The following EEF1A2 variants were observed in gnomAD, a reference collection of about 807,000 sequenced individuals.
The protein encoded by EEF1A2 is eukaryotic translation elongation factor 1 alpha 2.
A neutral mutation model predicts 39.3 loss-of-function variants in EEF1A2; 5 were observed. The observed-to-expected ratio is 0.13, with a 90% CI of 0.07 to 0.27. The LOEUF is 0.27. Among genes scored for constraint, EEF1A2 ranks in the 10% least tolerant of loss-of-function variants. The pLI, the probability that EEF1A2 is intolerant of heterozygous loss-of-function variation, is 1.00. For synonymous variants in EEF1A2, 287 were observed against 293.7 expected (o/e 0.98, Z 0.23); for missense variants, 218 against 681.4 (o/e 0.32, Z 7.57).
rs748993770 is a variant in EEF1A2, at chr20:63,488,900, C to T, written c.1264+18G>A. The T allele has an allele frequency of 3.1e-5, 50 of 1,606,860 alleles. 3 individuals are homozygous for T. In the South Asian group the frequency reaches 4.8e-4, roughly 16 times the overall value. On this transcript the variant is annotated intron_variant, in intron 7 of 7. Transcript: ENST00000217182. ...CCACAGCCTGGGGGCTGCACCTCCC[C>T]GGACCACCCCGGCTCACCGAGAGGC...
At chr20:63,495,766 C>T in intron 3 of EEF1A2, 90 bp downstream of exon 3, 1 of 1,506,436 alleles carries the variant, frequency 6.6e-7, no homozygotes, top group Non-Finnish European at 8.9e-7. Flanking sequence ...CACAGGAGAC[C>T]CTACCATCCC....
rs1555338 is a variant in EEF1A2 at position 63,496,265 on chromosome 20, C to T, written c.145-230G>A. The T allele has an allele frequency of 0.28, 159,415 of 570,414 alleles. 26,834 individuals are homozygous for T. The highest frequency in any genetic ancestry group is 0.36 in the Non-Finnish European group (115,229 of 321,728). The allele number at this position is 570,414 out of a possible 1,614,324, so 35.3% of individuals were successfully genotyped here. Reference sequence around the variant, plus strand: ...ACCTGCTCCGAAATGGGCGCGGCTACGCAGGTCCACCAGCAGGTGGCGCAA... The same window carrying T: ...ACCTGCTCCGAAATGGGCGCGGCTATGCAGGTCCACCAGCAGGTGGCGCAA... On this transcript the variant is annotated intron_variant, in intron 2 of 7. Transcript: ENST00000217182.
chr20:63,491,974 A>G (rs1600904800), intron 5 of EEF1A2, among the ~76,000 whole-genome samples: 1 of 117,922 alleles, frequency 8.5e-6, no homozygotes, highest in African/African-American at 3.9e-5. Flanking sequence ...GGATGGATGG[A>G]TGGATGGATG....
chr20:63,492,534 A>AGGG (rs2082392441), intron 5 of EEF1A2, among the ~76,000 whole-genome samples: 1 of 16,494 alleles, frequency 6.1e-5, no homozygotes, highest in African/African-American at 2.1e-4. Context: ...GGATGGATGG[A>AGGG]AGGATGGATG....
chr20:63,488,296 C>G lies in EEF1A2; in HGVS notation c.*2G>C, dbSNP rs2145938080. ...GAGGGTCGCGCCGCGGGCGCCCGCG[C>G]TTCACTTGCCCGCCTTCTGCGCCTT... On this transcript the variant is annotated 3_prime_UTR_variant, in exon 8 of 8. Transcript: ENST00000217182. 1 of 1,332,464 alleles carries G rather than the reference C, an allele frequency of 7.5e-7. No homozygotes were observed. Among genetic ancestry groups the G allele is most frequent in the African/African-American group, 1.5e-5 (1 of 64,734 alleles). The allele number at this position is 1,332,464 out of a possible 1,614,324, so 82.5% of individuals were successfully genotyped here.
intron 6 of EEF1A2, 91 bp downstream of exon 6, chr20:63,490,388 G>A (rs1004750167): frequency 2.8e-5 from 42 of 1,496,422 alleles, no homozygotes; most frequent in Middle Eastern, 1.7e-4. Flanking sequence ...TTCTCCCCAC[G>A]CCAGGCCACC....
chr20:63,489,119 C>A lies in EEF1A2; in HGVS notation c.1063G>T (p.Ala355Ser). 6.2e-7 allele frequency: 1 copy of A among 1,612,724 alleles called. No homozygotes were observed. ...CAGTCGATGACCGGGGAGTAGCCGG[C>A]GCTAATCTGCCCCGGGTGGTTCAGG... ...IILNHPGQIS[A>S]GYSPVIDCHT... Residue 355 changes from alanine to serine, a missense_variant, in exon 7 of 8, where the codon GCC (alanine) becomes TCC (serine). Around this residue, in one of 4 missense-constraint regions of EEF1A2, gnomAD observed 80 missense variants for 295.9 expected, o/e 0.27. Coordinates refer to ENST00000217182, the MANE Select transcript of EEF1A2 (RefSeq NM_001958.5).
intron 2 of EEF1A2, chr20:63,496,309 C>G: frequency 6.0e-6 from 3 of 496,388 alleles, no homozygotes; most frequent in Non-Finnish European, 1.1e-5. Flanking sequence ...GAGTCGCTCG[C>G]TCTACGAGCG....
chr20:63,492,148 A>G (rs1043923155), intron 5 of EEF1A2, among the ~76,000 whole-genome samples: 1 of 100 alleles, frequency 0.01, no homozygotes, highest in African/African-American at 0.045. Flanking sequence ...ATGGATGGGG[A>G]GGTGGATGGA....
intron 4 of EEF1A2, 136 bp downstream of exon 4, chr20:63,494,669 C>G: frequency 4.7e-6 from 6 of 1,268,914 alleles, no homozygotes; most frequent in African/African-American, 4.5e-5. Context: ...GTTAGGGAAA[C>G]CCAGCAGGTT....
intron 6 of EEF1A2, 149 bp from the exon 7 acceptor site, chr20:63,489,301 A>G (rs1044094924): frequency 5.7e-6 from 4 of 701,898 alleles, no homozygotes; most frequent in Non-Finnish European, 9.3e-6. Context: ...GGCTCTGAGG[A>G]CCCAGCCCCC....
At position 63,488,784 on chromosome 20, in the gene EEF1A2, C is replaced by A. The variant is rs559968063; in HGVS notation, c.1264+134G>T. 1,021 of 1,010,668 alleles carry A rather than the reference C, an allele frequency of 1.0e-3. 6 individuals are homozygous for A. Among genetic ancestry groups the A allele is most frequent in the South Asian group, 1.9e-3 (116 of 62,214 alleles). 62.6% of individuals were successfully genotyped at this position (1,010,668 alleles called of 1,614,324 possible). A position where few individuals can be genotyped will look rare whatever the true frequency, so the allele number is the denominator to read the frequency against. On this transcript the variant is annotated intron_variant, in intron 7 of 7. Coordinates refer to ENST00000217182, the MANE Select transcript of EEF1A2 (RefSeq NM_001958.5). ...TGACACGGAGGCCGTGGCTCTCCTGCCATGCTCTGGGCCAAGCTCCGCAGG... is the reference window on the plus strand; with the variant it reads ...TGACACGGAGGCCGTGGCTCTCCTGACATGCTCTGGGCCAAGCTCCGCAGG...
At chr20:63,491,876 A>ATG (rs1568995586) in intron 5 of EEF1A2, among the ~76,000 whole-genome samples, 32 of 62,340 alleles carry the variant, frequency 5.1e-4, no homozygotes, top group African/African-American at 9.7e-4. Flanking sequence ...GTGGATGGAT[A>ATG]GATGGATGGA....
intron 5 of EEF1A2, among the ~76,000 whole-genome samples, chr20:63,491,151 G>A (rs1481211886): frequency 1.3e-5 from 2 of 151,348 alleles, no homozygotes; most frequent in African/African-American, 4.9e-5. Flanking sequence ...TGTGGGCGGG[G>A]CGACTGACTG....
At chr20:63,490,772 C>T in intron 5 of EEF1A2, 37 bp from the exon 6 acceptor site, 1 of 1,573,888 alleles carries the variant, frequency 6.4e-7, no homozygotes, top group African/African-American at 1.3e-5. Context: ...AAGGTGGGGC[C>T]CGAGGGGATG....
chr20:63,493,333 C>T, intron 4 of EEF1A2, 46 bp from the exon 5 acceptor site: 1 of 1,463,294 alleles, frequency 6.8e-7, no homozygotes, highest in Non-Finnish European at 9.1e-7. Flanking sequence ...CATTGGTGGC[C>T]TCCCCACCCT....
Position 63,494,870 on chromosome 20 carries a change from C to A in EEF1A2, c.556G>T (p.Ala186Ser), listed in dbSNP as rs760330590. 5 of 1,612,574 alleles carry A rather than the reference C, an allele frequency of 3.1e-6. No individual in the cohort carries two copies. The highest frequency in any genetic ancestry group is 3.4e-6 in the Non-Finnish European group (4 of 1,179,946). The part of the protein sequence containing the change: ...AYIKKIGYNP[A>S]TVPFVPISGW... ...GAGATGGGCACAAAGGGCACGGTGGCCGGGTTGTAGCCGATCTTCTTGATG... is the reference window on the plus strand; with the variant it reads ...GAGATGGGCACAAAGGGCACGGTGGACGGGTTGTAGCCGATCTTCTTGATG... The change falls in exon 4 of 8, where the codon GCC becomes TCC. Residue 186 changes from alanine (A) to serine (S), a missense_variant. Ala to Ser is a moderately conservative substitution (Grantham distance 99). Transcript: ENST00000217182.
chr20:63,492,576 C>G (rs2082393264), intron 5 of EEF1A2, among the ~76,000 whole-genome samples: 17 of 13,554 alleles, frequency 1.3e-3, no homozygotes, highest in Admixed American at 2.7e-3. Flanking sequence ...ATGGGTGGGA[C>G]AATGGATGGA....
chr20:63,496,252 A>C, intron 2 of EEF1A2: 1 of 590,496 alleles, frequency 1.7e-6, no homozygotes, highest in Non-Finnish European at 3.0e-6. Flanking sequence ...CTGCTCCGAA[A>C]TGGGCGCGGC....
Sources: allele counts gnomAD v4.1 joint callset (sites outside exome capture counted in the v4.1 genomes callset), GRCh38; gene constraint gnomAD v4.1.1; regional missense constraint gnomAD v4.1.1; transcripts MANE v1.5; gene names NCBI Gene and HGNC (gene_info 2026-07-23, HGNC 2026-07-21).